The following LRIF1 variants were observed in gnomAD, a reference collection of about 807,000 sequenced individuals.
The protein encoded by LRIF1 is ligand dependent nuclear receptor interacting factor 1, also known as ligand-dependent nuclear receptor-interacting factor 1.
In LRIF1, 32 loss-of-function variants were observed where a neutral mutation model predicts 52.7. That is an observed-to-expected ratio of 0.61 (90% CI 0.46 to 0.82). The LOEUF is 0.82. Among genes scored for constraint, LRIF1 ranks in the 40% least tolerant of loss-of-function variants. The probability of loss-of-function intolerance (pLI) is 0.00; values close to 1 mark genes in which losing one functional copy is unlikely to be tolerated. For synonymous variants in LRIF1, 323 were observed against 317.4 expected (o/e 1.02, Z -0.19); for missense variants, 887 against 892.0 (o/e 0.99, Z 0.07).
In LRIF1 at chr1:110,951,681, T is replaced by G. The variant is rs759320850; in HGVS notation, c.1203A>C (p.Ser401=). ...CTCTGGATATTTCTGTGACTGGACT[T>G]GAACTCACTGTCTGTAACGTGTCTT... ...VRKDTLQTVS[S]SPVTEISREV... is the part of the protein sequence containing the mutation. The change falls in exon 2 of 4, where the codon TCA becomes TCC. Residue 401 remains serine, a synonymous_variant. Transcript: ENST00000369763. 26 of 1,613,990 alleles carry G rather than the reference T, an allele frequency of 1.6e-5. No homozygotes were observed. Among genetic ancestry groups the G allele is most frequent in the Non-Finnish European group, 2.0e-5 (24 of 1,180,026 alleles).
chr1:110,952,810 GAA>G lies in LRIF1; in HGVS notation c.72_73del (p.Ser25ArgfsTer25). 1 of 1,576,954 alleles carries G rather than the reference GAA, an allele frequency of 6.3e-7. No homozygotes were observed. The highest frequency in any genetic ancestry group is 8.6e-7 in the Non-Finnish European group (1 of 1,160,184). ...CTGAACTACTTGGTACATGCAGCCT[GAA>G]ACACTTAAAAGAACATTGAGTAAAT... On this transcript the variant is annotated frameshift_variant, in exon 2 of 4. Transcript: ENST00000369763. LOFTEE classifies it high-confidence loss of function.
chr1:110,890,790 T>C, the LRIF1 span, among the ~76,000 whole-genome samples: 80 of 152,218 alleles, frequency 5.3e-4, no homozygotes, highest in Non-Finnish European at 8.8e-4. Context: ...GCTGTAAGAC[T>C]GTTGTCTTCT....
rs1257559843 is a variant in LRIF1 at position 110,963,742 on chromosome 1, G to C, written c.-54C>G. On this transcript the variant is annotated 5_prime_UTR_variant, in exon 1 of 4. Transcript: ENST00000369763. ...CCAGAAAAGTGGGAAGCGTGGGGCC[G>C]AGTTTCCCAATGGGGCGAGAACCAG... 5 of 1,424,358 alleles carry C rather than the reference G, an allele frequency of 3.5e-6. No individual in the cohort carries two copies. Among genetic ancestry groups the C allele is most frequent in the African/African-American group, 2.8e-5 (2 of 71,264 alleles). The allele number at this position is 1,424,358 out of a possible 1,614,324, so 88.2% of individuals were successfully genotyped here.
chr1:110,944,530 C>T (rs1256557739), downstream of LRIF1: 3 of 152,058 alleles, frequency 2.0e-5, no homozygotes, highest in Non-Finnish European at 2.9e-5. Context: ...AGAGGCAAAC[C>T]GTGGACTGAG....
the LRIF1 span, among the ~76,000 whole-genome samples, chr1:110,889,447 A>G: frequency 6.6e-6 from 1 of 151,936 alleles, no homozygotes; most frequent in African/African-American, 2.4e-5. Context: ...TAACCCAGCT[A>G]CTCGGGAGGC....
the LRIF1 span, among the ~76,000 whole-genome samples, chr1:110,926,480 T>TTA: frequency 1.3e-5 from 2 of 151,984 alleles, no homozygotes; most frequent in Non-Finnish European, 2.9e-5. Flanking sequence ...GAGTTATATA[T>TTA]TACACTTCAC....
the LRIF1 span, among the ~76,000 whole-genome samples, chr1:110,908,105 T>C: frequency 6.6e-6 from 1 of 152,218 alleles, no homozygotes; most frequent in Non-Finnish European, 1.5e-5. Flanking sequence ...AAATTCTATA[T>C]AAAAAGAACA....
chr1:110,886,104 T>A, the LRIF1 span, among the ~76,000 whole-genome samples: 1 of 152,298 alleles, frequency 6.6e-6, no homozygotes, highest in South Asian at 2.1e-4. Context: ...TTTAAGTTAT[T>A]AAAATGTATT....
At chr1:110,942,969 G>T (rs1462516377), downstream of LRIF1, among the ~76,000 whole-genome samples, 1 of 152,074 alleles carries the variant, frequency 6.6e-6, no homozygotes, top group East Asian at 1.9e-4. Context: ...GACATAAAAA[G>T]ATTGAGCTCT....
chr1:110,883,776 G>A, the LRIF1 span, among the ~76,000 whole-genome samples: 1 of 151,978 alleles, frequency 6.6e-6, no homozygotes, highest in African/African-American at 2.4e-5. Context: ...TTGGTAATTT[G>A]TGCCTTTCAG....
At chr1:110,954,340 G>A (rs1316961754) in intron 1 of LRIF1, among the ~76,000 whole-genome samples, 1 of 152,054 alleles carries the variant, frequency 6.6e-6, no homozygotes, top group Non-Finnish European at 1.5e-5. Context: ...GAGTGTAGGT[G>A]TACAATCTTG....
At position 110,952,067 on chromosome 1, in the gene LRIF1, C is replaced by G; in HGVS notation, c.817G>C (p.Ala273Pro). 1 of 1,614,178 alleles carries G rather than the reference C, an allele frequency of 6.2e-7. No homozygotes were observed. The highest frequency in any genetic ancestry group is 1.3e-5 in the African/African-American group (1 of 75,060). Residue 273 changes from alanine to proline, a missense_variant, in exon 2 of 4, where the codon GCT becomes CCT. Coordinates refer to ENST00000369763, the MANE Select transcript of LRIF1 (RefSeq NM_018372.4). ...LNTTQIPKNVATETQLKGGQH... is the reference protein window; with the variant it reads ...LNTTQIPKNVPTETQLKGGQH... ...CCACCTTTCAATTGTGTCTCTGTAGCAACATTCTTTGGAATTTGTGTGGTA... is the reference window on the plus strand; with the variant it reads ...CCACCTTTCAATTGTGTCTCTGTAGGAACATTCTTTGGAATTTGTGTGGTA...
Position 110,952,432 on chromosome 1 carries a change from G to A in LRIF1, c.452C>T (p.Ala151Val). The A allele has an allele frequency of 6.2e-7, 1 of 1,611,748 alleles. No homozygotes were observed. Among genetic ancestry groups the A allele is most frequent in the South Asian group, 1.1e-5 (1 of 91,020 alleles). ...KIDGLTMQTF[A>V]VPPSTQKDSS... Reference sequence around the variant, plus strand: ...GTCTTTTTGTGTTGAGGGAGGAACAGCAAATGTTTGCATGGTGAGTCCATC... The same window carrying A: ...GTCTTTTTGTGTTGAGGGAGGAACAACAAATGTTTGCATGGTGAGTCCATC... The change falls in exon 2 of 4, where the codon GCT becomes GTT. Residue 151 changes from alanine (A) to valine (V), a missense_variant. Physicochemically the swap from Ala to Val is moderately conservative, Grantham distance 64. Transcript: ENST00000369763.
At chr1:110,903,550 G>T in the LRIF1 span, among the ~76,000 whole-genome samples, 1 of 152,178 alleles carries the variant, frequency 6.6e-6, no homozygotes, top group Admixed American at 6.5e-5. Context: ...GCCTTGAAGG[G>T]AAGAACCCAG....
At chr1:110,943,911 G>A (rs1658143413), downstream of LRIF1, 1 of 152,126 alleles carries the variant, frequency 6.6e-6, no homozygotes, top group Non-Finnish European at 1.5e-5. Context: ...GCATATTACA[G>A]AAATTTTAAG....
intron 1 of LRIF1, among the ~76,000 whole-genome samples, chr1:110,954,338 G>A (rs1195478635): frequency 6.6e-6 from 1 of 152,012 alleles, no homozygotes; most frequent in Non-Finnish European, 1.5e-5. Context: ...TGGAGTGTAG[G>A]TGTACAATCT....
chr1:110,887,355 C>T, the LRIF1 span, among the ~76,000 whole-genome samples: 4 of 152,166 alleles, frequency 2.6e-5, no homozygotes, highest in South Asian at 2.1e-4. Context: ...TGAGCCACCG[C>T]GCCCAGCCTA....
rs533834186 is a variant in LRIF1, at chr1:110,947,775, T to G, written c.*184A>C. 45 of 657,310 alleles carry G rather than the reference T, an allele frequency of 6.8e-5. No homozygotes were observed. In the East Asian group the frequency reaches 9.6e-4, roughly 14 times the overall value. 40.7% of individuals were successfully genotyped at this position (657,310 alleles called of 1,614,324 possible). On this transcript the variant is annotated 3_prime_UTR_variant, in exon 4 of 4. Transcript: ENST00000369763. ...CTAAGACAAAGGTATAGATACCCCA[T>G]GTAAATTATTCACAAGTCATATGTG...
the LRIF1 span, among the ~76,000 whole-genome samples, chr1:110,898,379 G>GAAAAA: frequency 3.5e-5 from 4 of 115,642 alleles, no homozygotes; most frequent in Non-Finnish European, 5.1e-5. Context: ...TCTGTCTCCA[G>GAAAAA]AAAAAAAAAA....
Sources: allele counts gnomAD v4.1 joint callset (sites outside exome capture counted in the v4.1 genomes callset), GRCh38; gene constraint gnomAD v4.1.1; transcripts MANE v1.5; gene names NCBI Gene and HGNC (gene_info 2026-07-23, HGNC 2026-07-21).